The following PCDH15 variants were observed in gnomAD, a reference collection of about 807,000 sequenced individuals.
PCDH15 encodes the protein protocadherin-15.
PCDH15 carries 129 observed loss-of-function variants against 178.5 expected under a neutral mutation model. The ratio of observed to expected loss-of-function variants is 0.72; its 90% CI spans 0.63 to 0.84. The LOEUF is 0.84. PCDH15 is among the 40% of genes least tolerant of loss of function. The probability of loss-of-function intolerance (pLI) is 0.00; values close to 1 mark genes in which losing one functional copy is unlikely to be tolerated. For synonymous variants in PCDH15, 800 were observed against 732.0 expected, an observed-to-expected ratio of 1.09 and a Z score of -1.50; for missense variants, 2,230 against 2,099.9, an observed-to-expected ratio of 1.06 and a Z score of -1.21.
intron 2 of PCDH15, among the ~76,000 whole-genome samples, chr10:54,559,503 G>T (rs1395412913): frequency 1.3e-5 from 2 of 152,008 alleles, no homozygotes; most frequent in African/African-American, 4.8e-5. Flanking sequence ...AAGGCATTGA[G>T]TATGCATTTG....
intron 2 of PCDH15, among the ~76,000 whole-genome samples, chr10:54,571,333 GAAAAAAA>G (rs60604711): frequency 1.3e-4 from 17 of 128,566 alleles, no homozygotes; most frequent in African/African-American, 3.9e-4. Flanking sequence ...GACAAAATTT[GAAAAAAA>G]AAAAAAAAAA....
chr10:55,481,762 T>A (rs547762165), intron 2 of PCDH15, among the ~76,000 whole-genome samples: 1 of 151,854 alleles, frequency 6.6e-6, no homozygotes, highest in Non-Finnish European at 1.5e-5. Context: ...GATTATGTTA[T>A]CAATTTTAGA....
intron 2 of PCDH15, among the ~76,000 whole-genome samples, chr10:55,001,393 G>A (rs1011710580): frequency 7.9e-5 from 12 of 152,156 alleles, no homozygotes; most frequent in East Asian, 3.9e-4. Flanking sequence ...CACTTGCCAC[G>A]TTGTGGGTGA....
intron 1 of PCDH15, among the ~76,000 whole-genome samples, chr10:54,682,488 T>C (rs1259513008): frequency 6.6e-6 from 1 of 152,198 alleles, no homozygotes; most frequent in East Asian, 1.9e-4. Context: ...ATTTATATAA[T>C]GGCATTTATT....
At chr10:54,419,778 C>A (rs908442711) in intron 3 of PCDH15, among the ~76,000 whole-genome samples, 2 of 151,964 alleles carry the variant, frequency 1.3e-5, no homozygotes, top group Non-Finnish European at 2.9e-5. Context: ...AGTAAAATGG[C>A]AATTGGAGGG....
rs528955124 is a variant in PCDH15 at position 55,410,549 on chromosome 10, C to T, written c.-156+217076G>A. ...AAAGCAAAACCTGGAGTCTTACCCC[C>T]GTCAGTCAAAAATAATATGATAAAG... On this transcript the variant is annotated intron_variant, in intron 2 of 5. Coordinates refer to the PCDH15 transcript ENST00000613346. 5.9e-5 allele frequency among the ~76,000 whole-genome samples: 9 copies of T among 152,142 alleles called. No homozygotes were observed. The East Asian group carries it at 1.6e-3, about 26-fold the overall frequency.
At chr10:55,267,265 C>A (rs1842323847) in intron 1 of PCDH15, among the ~76,000 whole-genome samples, 1 of 152,142 alleles carries the variant, frequency 6.6e-6, no homozygotes, top group African/African-American at 2.4e-5. Flanking sequence ...TAACTATTAT[C>A]TATCTATCCA....
chr10:55,601,091 G>A (rs1843066292), intron 2 of PCDH15, among the ~76,000 whole-genome samples: 1 of 151,976 alleles, frequency 6.6e-6, no homozygotes, highest in Non-Finnish European at 1.5e-5. Context: ...CTTTTACAAT[G>A]CTCCATGTAC....
intron 1 of PCDH15, among the ~76,000 whole-genome samples, chr10:55,256,342 G>A (rs557725198): frequency 1.4e-3 from 207 of 152,208 alleles, no homozygotes; most frequent in African/African-American, 4.4e-3. Flanking sequence ...CTGAGGTACC[G>A]GGTTCATCTC....
At chr10:54,378,334 T>A (rs1948748751) in intron 4 of PCDH15, among the ~76,000 whole-genome samples, 1 of 152,068 alleles carries the variant, frequency 6.6e-6, no homozygotes, top group African/African-American at 2.4e-5. Context: ...TTTGCAACTA[T>A]GTAAGACATT....
At position 53,903,200 on chromosome 10, in the gene PCDH15, G is replaced by A. The variant is rs776440092; in HGVS notation, c.3501+43C>T. The A allele has an allele frequency of 2.1e-5, 34 of 1,607,796 alleles. No homozygotes were observed. The Admixed American group carries it at 2.2e-4, about 10-fold the overall frequency. On this transcript the variant is annotated intron_variant, in intron 26 of 37. Coordinates refer to ENST00000644397, the MANE Select transcript of PCDH15 (RefSeq NM_001384140.1). Reference sequence around the variant, plus strand: ...GGCTTACAGCTTATCTGCAAAACCTGAGCTTTTACTTTAGTTCTGTATATT... The same window carrying A: ...GGCTTACAGCTTATCTGCAAAACCTAAGCTTTTACTTTAGTTCTGTATATT...
intron 5 of PCDH15, among the ~76,000 whole-genome samples, chr10:54,358,564 G>A (rs1945432335): frequency 6.6e-6 from 1 of 151,932 alleles, no homozygotes; most frequent in African/African-American, 2.4e-5. Flanking sequence ...CTGTTGGTGG[G>A]ACTGTAAACT....
intron 2 of PCDH15, among the ~76,000 whole-genome samples, chr10:55,474,825 T>C (rs563787419): frequency 2.0e-5 from 3 of 152,234 alleles, no homozygotes; most frequent in African/African-American, 7.2e-5. Context: ...TAATCACATA[T>C]GTTAGTATTA....
rs559130985 is a variant in PCDH15 at position 53,827,437 on chromosome 10, A to AGGCGGC, written c.4317_4322dup (p.Pro1442_Pro1443dup). 1,317 of 1,612,686 alleles carry AGGCGGC rather than the reference A, an allele frequency of 8.2e-4. 3 individuals are homozygous for AGGCGGC. The highest frequency in any genetic ancestry group is 6.0e-3 in the East Asian group (270 of 44,822). Reference sequence around the variant, plus strand: ...CTTCATAGAGATGCGCACCTGGCGGAGGCGGCGGCGGCGGCGGGGGCGCTG... The same window carrying AGGCGGC: ...CTTCATAGAGATGCGCACCTGGCGGAGGCGGCGGCGGCGGCGGCGGCGGGGGCGCTG... On this transcript the variant is annotated inframe_insertion, in exon 32 of 38. Coordinates refer to ENST00000644397, the MANE Select transcript of PCDH15 (RefSeq NM_001384140.1).
At chr10:55,074,679 G>A (rs1564774132) in intron 2 of PCDH15, among the ~76,000 whole-genome samples, 1 of 152,116 alleles carries the variant, frequency 6.6e-6, no homozygotes, top group Non-Finnish European at 1.5e-5. Context: ...TGTTTGCTCT[G>A]ATGATAGTTT....
intron 32 of PCDH15, among the ~76,000 whole-genome samples, chr10:53,820,746 C>CATAG (rs766065289): frequency 4.6e-5 from 7 of 151,934 alleles, no homozygotes; most frequent in Non-Finnish European, 7.4e-5. Flanking sequence ...AAGGAAGGGA[C>CATAG]ATAGATAGTA....
intron 2 of PCDH15, among the ~76,000 whole-genome samples, chr10:55,038,812 T>C (rs1322308315): frequency 2.6e-5 from 4 of 152,184 alleles, no homozygotes; most frequent in Admixed American, 2.6e-4. Context: ...CAGGAATTAC[T>C]GAAATCTTAC....
At chr10:54,304,022 A>G (rs561511450) in intron 8 of PCDH15, among the ~76,000 whole-genome samples, 1 of 152,120 alleles carries the variant, frequency 6.6e-6, no homozygotes, top group East Asian at 1.9e-4. Flanking sequence ...CCCATGTTTT[A>G]GCGATTAGGA....
chr10:55,480,267 A>G (rs1403459567), intron 2 of PCDH15, among the ~76,000 whole-genome samples: 2 of 151,704 alleles, frequency 1.3e-5, no homozygotes, highest in Non-Finnish European at 3.0e-5. Flanking sequence ...GGATCATGTC[A>G]TCTGCAAACA....
Sources: gnomAD v4.1 joint callset for allele counts (sites outside exome capture counted in the v4.1 genomes callset) on GRCh38, gnomAD v4.1.1 for gene constraint, MANE v1.5 for transcripts, NCBI Gene and HGNC (gene_info 2026-07-23, HGNC 2026-07-21) for gene names.